RPS10: variants seen among roughly 807,000 people sequenced by gnomAD.
RPS10 encodes small ribosomal subunit protein eS10.
Under a neutral mutation model 22.6 loss-of-function variants are expected in RPS10, and 2 were observed. The observed-to-expected ratio is 0.09, with a 90% CI of 0.04 to 0.28. The LOEUF (loss-of-function observed/expected upper bound fraction) is 0.28, where lower values mean the gene tolerates loss of function less well. Ranked by LOEUF, RPS10 falls within the 10% of genes least tolerant of loss-of-function variation. The pLI is 1.00. For missense variants in RPS10, 137 were observed against 222.2 expected (o/e 0.62, Z 2.44); for synonymous variants, 70 against 75.9 (o/e 0.92, Z 0.40).
At chr6:34,425,277 G>A (rs1282592175) in intron 1 of RPS10, 56 bp from the exon 2 acceptor site, 5 of 1,551,606 alleles carry the variant, frequency 3.2e-6, no homozygotes, top group Admixed American at 1.9e-5. Flanking sequence ...CCGGGGCCCG[G>A]TAATCAAGTT....
intron 4 of RPS10, among the ~76,000 whole-genome samples, chr6:34,421,380 C>T (rs570403004): frequency 5.3e-4 from 80 of 151,958 alleles, no homozygotes; most frequent in African/African-American, 1.8e-3. Flanking sequence ...GACAGGGTTT[C>T]GTCATGTTGG....
chr6:34,425,589 G>T (rs1431474400), intron 1 of RPS10: 7 of 323,418 alleles, frequency 2.2e-5, no homozygotes, highest in Middle Eastern at 2.3e-3. Context: ...GTACCATAAG[G>T]TACGCAGGGA....
intron 3 of RPS10, among the ~76,000 whole-genome samples, chr6:34,422,894 A>G (rs890972137): frequency 2.0e-5 from 3 of 152,022 alleles, no homozygotes; most frequent in African/African-American, 7.2e-5. Flanking sequence ...CAACCTGGCC[A>G]ACATGGTAAA....
At chr6:34,423,515 A>AT (rs1332580808) in intron 3 of RPS10, among the ~76,000 whole-genome samples, 2 of 152,258 alleles carry the variant, frequency 1.3e-5, no homozygotes, top group Non-Finnish European at 2.9e-5. Flanking sequence ...AAATCAGAAT[A>AT]TATCAAGCAC....
chr6:34,425,046 TC>T, intron 2 of RPS10, 25 bp downstream of exon 2: 3 of 1,611,812 alleles, frequency 1.9e-6, no homozygotes, highest in Non-Finnish European at 2.5e-6. Context: ...GGAAGATCCA[TC>T]CCATCTTCCT....
chr6:34,419,247 A>C (rs1765681308), intron 4 of RPS10, among the ~76,000 whole-genome samples: 1 of 152,042 alleles, frequency 6.6e-6, no homozygotes, highest in East Asian at 1.9e-4. Flanking sequence ...GCTGGTCTCA[A>C]ACTCCCAACC....
chr6:34,424,634 T>C, intron 3 of RPS10, 35 bp downstream of exon 3: 1 of 1,613,418 alleles, frequency 6.2e-7, no homozygotes, highest in East Asian at 2.2e-5. Flanking sequence ...GAAACTATCT[T>C]CAAATAGCTG....
At chr6:34,424,589 C>A in intron 3 of RPS10, 80 bp downstream of exon 3, 2 of 1,568,768 alleles carry the variant, frequency 1.3e-6, no homozygotes, top group East Asian at 4.6e-5. Flanking sequence ...CTAAAGCTGA[C>A]ATCAGCTAAG....
chr6:34,426,029 C>G lies in RPS10; in HGVS notation c.-1+3G>C, dbSNP rs904700426. ...ATGGAACTCGAACGCCACAGAAACT[C>G]ACCTCTGCGGCTGCAGGGTCCGGTA... is the stretch of plus-strand genomic sequence containing the variant. On this transcript the variant is annotated splice_donor_region_variant and intron_variant, in intron 1 of 5. Transcript: ENST00000648437. 1 of 152,482 alleles carries G rather than the reference C, an allele frequency of 6.6e-6. No individual in the cohort carries two copies. The highest frequency in any genetic ancestry group is 2.4e-5 in the African/African-American group (1 of 41,468). The allele number at this position is 152,482 out of a possible 1,614,324, so 9.4% of individuals were successfully genotyped here. A position where few individuals can be genotyped will look rare whatever the true frequency, so the allele number is the denominator to read the frequency against.
chr6:34,421,601 A>T, intron 4 of RPS10, 129 bp downstream of exon 4: 1 of 1,003,544 alleles, frequency 1.0e-6, no homozygotes, highest in Non-Finnish European at 1.6e-6. Context: ...TGCTCTGCAG[A>T]GTGAAACCAA....
Position 34,424,802 on chromosome 6 carries a change from G to C in RPS10, c.189C>G (p.Ala63=), listed in dbSNP as rs772715124. The C allele has an allele frequency of 6.2e-7, 1 of 1,614,080 alleles. No homozygotes were observed. The highest frequency in any genetic ancestry group is 1.7e-5 in the Admixed American group (1 of 60,012). ...TAAGGTACCAGTAGAAATGTCTCCA[G>C]GCAAACTGTTCCTTCACGTAGCCTC... ...KSRGYVKEQF[A]WRHFYWYLTN... is the part of the protein sequence containing the mutation. The change falls in exon 3 of 6, where the codon GCC becomes GCG. Residue 63 remains alanine, a synonymous_variant. Transcript: ENST00000648437.
chr6:34,421,695 C>T (rs1212957573), intron 4 of RPS10, 35 bp downstream of exon 4: 10 of 1,611,890 alleles, frequency 6.2e-6, no homozygotes, highest in African/African-American at 1.3e-5. Flanking sequence ...ACATTTCACC[C>T]CAACACCCCT....
At chr6:34,424,160 A>AAAAAAAAAAAC in intron 3 of RPS10, 2 of 150,922 alleles carry the variant, frequency 1.3e-5, no homozygotes, top group Non-Finnish European at 2.9e-5. Context: ...AAAAAAAAAA[A>AAAAAAAAAAAC]AAAAGCAACT....
chr6:34,424,341 GGCTTT>G (rs756801093), intron 3 of RPS10: 49 of 336,392 alleles, frequency 1.5e-4, no homozygotes, highest in Non-Finnish European at 2.2e-4. Context: ...GGTGGTAAAT[GGCTTT>G]GCTTTGGACT....
chr6:34,417,672 T>TG, intron 5 of RPS10, 125 bp from the exon 6 acceptor site: 3 of 870,488 alleles, frequency 3.4e-6, no homozygotes, highest in Non-Finnish European at 5.7e-6. Context: ...GGGAGAGAGC[T>TG]GAGTACAGGC....
intron 3 of RPS10, 53 bp from the exon 4 acceptor site, chr6:34,421,860 C>T: frequency 4.4e-6 from 7 of 1,608,944 alleles, no homozygotes; most frequent in Middle Eastern, 1.7e-4. Context: ...AACTCTGTCC[C>T]TTAAAGCCAA....
At chr6:34,421,985 A>G (rs1243580855) in intron 3 of RPS10, among the ~76,000 whole-genome samples, 178 bp from the exon 4 acceptor site, 1 of 151,754 alleles carries the variant, frequency 6.6e-6, no homozygotes, top group Non-Finnish European at 1.5e-5. Context: ...TTATTTCTCC[A>G]TAGAAACTTA....
chr6:34,422,190 A>C (rs939733865), intron 3 of RPS10, among the ~76,000 whole-genome samples: 1 of 152,220 alleles, frequency 6.6e-6, no homozygotes, highest in African/African-American at 2.4e-5. Context: ...AAGCATCCTA[A>C]GCTGAAAGTC....
chr6:34,425,297 A>C (rs925110204), intron 1 of RPS10, 76 bp from the exon 2 acceptor site: 1 of 1,530,242 alleles, frequency 6.5e-7, no homozygotes, highest in African/African-American at 1.4e-5. Context: ...TCTTGATCCT[A>C]AAGTGACCCA....
Sources: allele counts gnomAD v4.1 joint callset (sites outside exome capture counted in the v4.1 genomes callset), GRCh38; gene constraint gnomAD v4.1.1; transcripts MANE v1.5; gene names NCBI Gene and HGNC (gene_info 2026-07-23, HGNC 2026-07-21).